Variants in ABCA13 observed in about 807,000 individuals in gnomAD.
ABCA13 encodes the protein ATP-binding cassette sub-family A member 13.
In ABCA13, 476 loss-of-function variants were observed where a neutral mutation model predicts 478.7. The observed-to-expected ratio is 0.99, with a 90% CI of 0.92 to 1.07. ABCA13 has a LOEUF of 1.07. Among genes scored for constraint, ABCA13 ranks in the 50% least tolerant of loss-of-function variants. The pLI, the probability that ABCA13 is intolerant of heterozygous loss-of-function variation, is 0.00. For synonymous variants in ABCA13, 2,252 were observed against 2,158.9 expected, an observed-to-expected ratio of 1.04 and a Z score of -1.20; for missense variants, 6,060 against 5,910.6, an observed-to-expected ratio of 1.03 and a Z score of -0.83.
chr7:48,383,279 T>C (rs1814675659), intron 35 of ABCA13, among the ~76,000 whole-genome samples: 1 of 152,242 alleles, frequency 6.6e-6, no homozygotes, highest in African/African-American at 2.4e-5. Context: ...TGTGTCTGTG[T>C]ACATGTACAT....
At chr7:48,421,311 C>T (rs1330838387) in intron 41 of ABCA13, among the ~76,000 whole-genome samples, 1 of 152,152 alleles carries the variant, frequency 6.6e-6, no homozygotes, top group African/African-American at 2.4e-5. Context: ...ATTACTATGG[C>T]ACTTGCCAAG....
intron 7 of ABCA13, among the ~76,000 whole-genome samples, chr7:48,233,361 T>G (rs995553656): frequency 3.9e-5 from 6 of 152,236 alleles, no homozygotes; most frequent in African/African-American, 1.4e-4. Flanking sequence ...TGTGTTTTTA[T>G]GTTTGCAGTT....
At chr7:48,264,834 G>A (rs1048998594) in intron 15 of ABCA13, among the ~76,000 whole-genome samples, 4 of 151,624 alleles carry the variant, frequency 2.6e-5, no homozygotes, top group Non-Finnish European at 4.4e-5. Context: ...TTTTGGTGTT[G>A]TAGCTAAGAA....
intron 55 of ABCA13, among the ~76,000 whole-genome samples, chr7:48,535,537 G>A (rs1295296327): frequency 6.6e-6 from 1 of 152,222 alleles, no homozygotes; most frequent in Non-Finnish European, 1.5e-5. Context: ...CCTTGTGGAA[G>A]AAGGATCAGG....
intron 1 of ABCA13, among the ~76,000 whole-genome samples, chr7:48,185,864 G>T (rs1796284362): frequency 6.6e-6 from 1 of 151,722 alleles, no homozygotes; most frequent in Admixed American, 6.6e-5. Context: ...TATATTTTGA[G>T]GTTAAATGAT....
intron 35 of ABCA13, among the ~76,000 whole-genome samples, chr7:48,387,228 A>G (rs1419212432): frequency 1.3e-5 from 2 of 152,132 alleles, no homozygotes; most frequent in African/African-American, 4.8e-5. Context: ...GAAAATTGGG[A>G]AATGTTAATA....
At chr7:48,288,172 A>G (rs1798025825) in intron 20 of ABCA13, 94 bp downstream of exon 20, 2 of 1,118,572 alleles carry the variant, frequency 1.8e-6, no homozygotes, top group Non-Finnish European at 1.3e-6. Context: ...CTTCGTTCTT[A>G]TAACTACAGC....
chr7:48,281,243 G>C, intron 18 of ABCA13, 100 bp from the exon 19 acceptor site: 2 of 893,030 alleles, frequency 2.2e-6, no homozygotes. Context: ...GAGGGAGGAT[G>C]GTTCTTACAT....
At chr7:48,574,563 CA>C (rs1252628163) in intron 55 of ABCA13, among the ~76,000 whole-genome samples, 1 of 152,140 alleles carries the variant, frequency 6.6e-6, no homozygotes, top group Non-Finnish European at 1.5e-5. Context: ...AAGCATGAGA[CA>C]CCTAGAGTTA....
At chr7:48,183,820 A>G (rs1263086045) in intron 1 of ABCA13, among the ~76,000 whole-genome samples, 2 of 152,198 alleles carry the variant, frequency 1.3e-5, no homozygotes, top group Non-Finnish European at 2.9e-5. Context: ...CGGGGTTTGC[A>G]TGACTTCCAA....
intron 23 of ABCA13, among the ~76,000 whole-genome samples, chr7:48,303,594 T>C (rs949315941): frequency 6.6e-6 from 1 of 152,184 alleles, no homozygotes. Flanking sequence ...ATAGGGAATC[T>C]TTCCCTATTG....
At position 48,403,670 on chromosome 7, in the gene ABCA13, C is replaced by T; in HGVS notation, c.11874-13C>T. ...TGTTCAGGGAGAAGAGTGATGTTTT[C>T]TTCTAATTTCAGAACTCTTCAGGAT... On this transcript the variant is annotated splice_polypyrimidine_tract_variant and intron_variant, in intron 38 of 61. Transcript: ENST00000435803. The T allele has an allele frequency of 6.2e-7, 1 of 1,612,174 alleles. No individual in the cohort carries two copies. Among genetic ancestry groups the T allele is most frequent in the Non-Finnish European group, 8.5e-7 (1 of 1,178,720 alleles).
intron 48 of ABCA13, among the ~76,000 whole-genome samples, chr7:48,504,434 C>T (rs756231054): frequency 1.3e-5 from 2 of 152,140 alleles, no homozygotes; most frequent in East Asian, 1.9e-4. Flanking sequence ...TAACAGGACT[C>T]GGTAACTTCT....
chr7:48,188,506 A>G (rs139278380), intron 1 of ABCA13, among the ~76,000 whole-genome samples: 14 of 152,282 alleles, frequency 9.2e-5, no homozygotes, highest in African/African-American at 2.9e-4. Flanking sequence ...GAGATTGTCA[A>G]CTGAGTTGGG....
chr7:48,474,589 G>A (rs1827873353), intron 45 of ABCA13, among the ~76,000 whole-genome samples: 1 of 152,158 alleles, frequency 6.6e-6, no homozygotes. Context: ...GGTCAGATAT[G>A]GAAATTCCAA....
chr7:48,317,805 G>C (rs959635235), intron 27 of ABCA13, among the ~76,000 whole-genome samples: 6 of 152,204 alleles, frequency 3.9e-5, no homozygotes, highest in Admixed American at 6.5e-5. Flanking sequence ...CCAAAGCAGG[G>C]TGTATCCAGG....
At chr7:48,380,732 C>G (rs2129042624) in intron 35 of ABCA13, among the ~76,000 whole-genome samples, 1 of 152,250 alleles carries the variant, frequency 6.6e-6, no homozygotes, top group South Asian at 2.1e-4. Context: ...GAGGCTTTGA[C>G]TGGGGTTGAA....
intron 57 of ABCA13, among the ~76,000 whole-genome samples, chr7:48,588,086 C>T (rs1013932162): frequency 6.6e-6 from 1 of 151,962 alleles, no homozygotes; most frequent in African/African-American, 2.4e-5. Context: ...ATGAATACAC[C>T]CTTTTAGTGG....
chr7:48,427,003 C>T (rs1428352466), intron 41 of ABCA13, among the ~76,000 whole-genome samples: 5 of 152,128 alleles, frequency 3.3e-5, no homozygotes, highest in East Asian at 3.9e-4. Context: ...TGCTGCAGGG[C>T]GATGTCTCCT....
Sources: allele counts gnomAD v4.1 joint callset (sites outside exome capture counted in the v4.1 genomes callset), GRCh38; gene constraint gnomAD v4.1.1; transcripts MANE v1.5; gene names NCBI Gene and HGNC (gene_info 2026-07-23, HGNC 2026-07-21).